Variants in F2R observed in about 807,000 individuals in gnomAD.
F2R encodes coagulation factor II thrombin receptor.
In F2R, 12 loss-of-function variants were observed where a neutral mutation model predicts 18.3. The observed-to-expected ratio is 0.66, with a 90% confidence interval of 0.42 to 1.06. F2R has a LOEUF of 1.06. Ranked by LOEUF, F2R falls within the 50% of genes least tolerant of loss-of-function variation. The probability of loss-of-function intolerance (pLI) is 0.00; values close to 1 mark genes in which losing one functional copy is unlikely to be tolerated. For synonymous variants in F2R, 210 were observed against 219.9 expected (o/e 0.95, Z 0.40); for missense variants, 438 against 530.8 (o/e 0.83, Z 1.72).
chr5:76,728,601 G>A (rs1455664456), intron 1 of F2R, among the ~76,000 whole-genome samples: 1 of 150,532 alleles, frequency 6.6e-6, no homozygotes, highest in Non-Finnish European at 1.5e-5. Flanking sequence ...TCATTCATCA[G>A]TGGATACCTA....
At chr5:76,729,739 G>C (rs1748635121) in intron 1 of F2R, among the ~76,000 whole-genome samples, 1 of 152,172 alleles carries the variant, frequency 6.6e-6, no homozygotes, top group Non-Finnish European at 1.5e-5. Flanking sequence ...TATATTGGTT[G>C]GATCTGGTGA....
intron 1 of F2R, among the ~76,000 whole-genome samples, chr5:76,730,259 T>C (rs1045904395): frequency 4.6e-5 from 7 of 152,148 alleles, no homozygotes; most frequent in African/African-American, 1.7e-4. Flanking sequence ...AGTTCAAGGG[T>C]CAGCCAAACC....
rs1257611953 is a variant in F2R, at chr5:76,734,211, C to G, written c.*708C>G. ...CATTTTACACACTGTACACATAAGC[C>G]AAAACTGAGCATAAGTCCTCTAGTG... On this transcript the variant is annotated 3_prime_UTR_variant, in exon 2 of 2. Coordinates refer to ENST00000319211, the MANE Select transcript of F2R (RefSeq NM_001992.5). 6.6e-6 allele frequency: 1 copy of G among 152,274 alleles called. No homozygotes were observed. Among genetic ancestry groups the G allele is most frequent in the Admixed American group, 6.5e-5 (1 of 15,272 alleles). The allele number at this position is 152,274 out of a possible 1,614,324, so 9.4% of individuals were successfully genotyped here.
At chr5:76,725,992 T>C (rs893504695) in intron 1 of F2R, among the ~76,000 whole-genome samples, 9 of 152,230 alleles carry the variant, frequency 5.9e-5, no homozygotes, top group Admixed American at 6.5e-5. Flanking sequence ...TCTTGATTCA[T>C]GTATGTAAGT....
chr5:76,716,417 G>C, intron 1 of F2R, 22 bp downstream of exon 1: 4 of 1,422,786 alleles, frequency 2.8e-6, no homozygotes, highest in Non-Finnish European at 3.7e-6. Flanking sequence ...ACGGGAATGG[G>C]GTGCGCGGGC....
intron 1 of F2R, among the ~76,000 whole-genome samples, chr5:76,729,890 G>A (rs1038360480): frequency 6.6e-6 from 1 of 152,066 alleles, no homozygotes; most frequent in Non-Finnish European, 1.5e-5. Flanking sequence ...TAGTAAAATG[G>A]GTCTCTCAAG....
intron 1 of F2R, among the ~76,000 whole-genome samples, chr5:76,719,739 G>C (rs1748412075): frequency 6.6e-6 from 1 of 152,178 alleles, no homozygotes; most frequent in Non-Finnish European, 1.5e-5. Flanking sequence ...CCCTAGTACA[G>C]TATGGATTTA....
intron 1 of F2R, among the ~76,000 whole-genome samples, chr5:76,720,693 C>T (rs532690984): frequency 1.3e-5 from 2 of 152,196 alleles, no homozygotes; most frequent in Middle Eastern, 3.4e-3. Context: ...CCCCAGGAAC[C>T]ACCAGTTTGC....
In F2R at chr5:76,730,459, A is replaced by G. The variant is rs574861363; in HGVS notation, c.89-1855A>G. 3.1e-4 allele frequency among the ~76,000 whole-genome samples: 47 copies of G among 152,304 alleles called. 1 individual carries two copies. The South Asian group carries it at 9.5e-3, about 31-fold the overall frequency. ...TATGTTATATAGGCACTGCTGTTATATAGGAAAAACCAAACTATTTTCCCC... is the reference window on the plus strand; with the variant it reads ...TATGTTATATAGGCACTGCTGTTATGTAGGAAAAACCAAACTATTTTCCCC... On this transcript the variant is annotated intron_variant, in intron 1 of 1. Transcript: ENST00000319211.
At chr5:76,726,794 TA>T (rs201410938) in intron 1 of F2R, among the ~76,000 whole-genome samples, 10 of 151,546 alleles carry the variant, frequency 6.6e-5, no homozygotes, top group East Asian at 1.9e-4. Context: ...AAATTAAAAA[TA>T]AAAAAAAATG....
intron 1 of F2R, among the ~76,000 whole-genome samples, chr5:76,731,798 G>A (rs989467808): frequency 1.5e-4 from 23 of 152,104 alleles, no homozygotes; most frequent in African/African-American, 5.1e-4. Flanking sequence ...AAAGTGCTGG[G>A]ATTACAGACG....
chr5:76,718,722 C>T (rs767459245), intron 1 of F2R, among the ~76,000 whole-genome samples: 3 of 152,188 alleles, frequency 2.0e-5, no homozygotes, highest in African/African-American at 2.4e-5. Context: ...AGTTTACATT[C>T]GTCTAGACAA....
chr5:76,734,930 G>T lies in F2R; in HGVS notation c.*1427G>T, dbSNP rs944565848. The T allele has an allele frequency of 6.6e-6, 1 of 152,304 alleles. No individual in the cohort carries two copies. The highest frequency in any genetic ancestry group is 2.4e-5 in the African/African-American group (1 of 41,452). The allele number at this position is 152,304 out of a possible 1,614,324, so 9.4% of individuals were successfully genotyped here. ...AGGTTTTCTTTTAAGAATCAATCATGTCAGTCTGCTTAGAAATAACAGAAG... is the reference window on the plus strand; with the variant it reads ...AGGTTTTCTTTTAAGAATCAATCATTTCAGTCTGCTTAGAAATAACAGAAG... On this transcript the variant is annotated 3_prime_UTR_variant, in exon 2 of 2. Coordinates refer to ENST00000319211, the MANE Select transcript of F2R (RefSeq NM_001992.5).
At position 76,733,632 on chromosome 5, in the gene F2R, C is replaced by T. The variant is rs1033892691; in HGVS notation, c.*129C>T. Reference sequence around the variant, plus strand: ...AACAGATGTACGACTTGCATACCTGCTTTTTATGGGAGCTGTCAAGCATGT... The same window carrying T: ...AACAGATGTACGACTTGCATACCTGTTTTTTATGGGAGCTGTCAAGCATGT... On this transcript the variant is annotated 3_prime_UTR_variant, in exon 2 of 2. Coordinates refer to ENST00000319211, the MANE Select transcript of F2R (RefSeq NM_001992.5). 1.3e-5 allele frequency: 9 copies of T among 694,438 alleles called. No individual in the cohort carries two copies. Among genetic ancestry groups the T allele is most frequent in the African/African-American group, 1.3e-4 (7 of 55,440 alleles). 43.0% of individuals were successfully genotyped at this position (694,438 alleles called of 1,614,324 possible).
intron 1 of F2R, among the ~76,000 whole-genome samples, chr5:76,719,703 C>T (rs913052564): frequency 3.3e-5 from 5 of 152,224 alleles, no homozygotes; most frequent in African/African-American, 1.2e-4. Flanking sequence ...GCACCTCTTA[C>T]AGTAGAGAAG....
At chr5:76,716,766 C>T (rs965431091) in intron 1 of F2R, 5 of 576,804 alleles carry the variant, frequency 8.7e-6, no homozygotes, top group East Asian at 6.1e-5. Flanking sequence ...CACCAATAAA[C>T]GTTTCGATCT....
chr5:76,721,816 T>C (rs1469858280), intron 1 of F2R, among the ~76,000 whole-genome samples: 1 of 149,974 alleles, frequency 6.7e-6, no homozygotes, highest in African/African-American at 2.5e-5. Context: ...CTGCATTGTA[T>C]GCATTTTGAT....
intron 1 of F2R, among the ~76,000 whole-genome samples, chr5:76,728,882 G>T (rs144410385): frequency 6.6e-6 from 1 of 151,954 alleles, no homozygotes; most frequent in African/African-American, 2.4e-5. Context: ...GTAGAGACAG[G>T]GTTTTGCCAT....
intron 1 of F2R, among the ~76,000 whole-genome samples, chr5:76,721,045 G>A (rs770977698): frequency 5.3e-5 from 8 of 152,272 alleles, no homozygotes; most frequent in South Asian, 2.1e-4. Context: ...GGGATCAAGC[G>A]ATCCACCTAC....
Sources: allele counts gnomAD v4.1 joint callset (sites outside exome capture counted in the v4.1 genomes callset), GRCh38; gene constraint gnomAD v4.1.1; transcripts MANE v1.5; gene names NCBI Gene and HGNC (gene_info 2026-07-23, HGNC 2026-07-21).